CIAO3: variants seen among roughly 807,000 people sequenced by gnomAD.
CIAO3 encodes cytosolic iron-sulfur assembly component 3, also known as LET1 like/JFP15.
A neutral mutation model predicts 51.5 loss-of-function variants in CIAO3; 45 were observed. That is an observed-to-expected ratio of 0.87 (90% confidence interval 0.69 to 1.12). CIAO3 has a LOEUF of 1.12. Among genes scored for constraint, CIAO3 ranks in the 50% most tolerant of loss-of-function variants. The pLI is 0.00. For missense variants in CIAO3, 668 were observed against 632.5 expected (o/e 1.06, Z -0.60); for synonymous variants, 314 against 269.3 (o/e 1.17, Z -1.63).
intron 5 of CIAO3, 46 bp from the exon 6 acceptor site, chr16:734,393 C>T (rs1468658522): frequency 2.2e-6 from 3 of 1,381,186 alleles, no homozygotes; most frequent in African/African-American, 2.9e-5. Flanking sequence ...CGCACGGCGG[C>T]CCCCGCACCC....
At position 737,997 on chromosome 16, in the gene CIAO3, G is replaced by A. The variant is rs1334151571; in HGVS notation, c.163-668C>T. 2 of 1,151,872 alleles carry A rather than the reference G, an allele frequency of 1.7e-6. No homozygotes were observed. Among genetic ancestry groups the A allele is most frequent in the African/African-American group, 1.6e-5 (1 of 61,490 alleles). The allele number at this position is 1,151,872 out of a possible 1,614,324, so 71.4% of individuals were successfully genotyped here. A position where few individuals can be genotyped will look rare whatever the true frequency, so the allele number is the denominator to read the frequency against. ...GCAGTGGCCCGGAATACAGCCAGAG[G>A]AGTAAGGCGACTGGGTGGGAACTGT... On this transcript the variant is annotated intron_variant, in intron 2 of 10. Transcript: ENST00000251588. The surrounding 1 kb of genome is among the most constrained non-coding windows in gnomAD (Gnocchi z 5.3).
chr16:736,516 G>C, intron 3 of CIAO3, 118 bp from the exon 4 acceptor site: 1 of 1,195,306 alleles, frequency 8.4e-7, no homozygotes, highest in Non-Finnish European at 1.1e-6. Flanking sequence ...TCCATCAAGA[G>C]TCTTTTTTTT....
chr16:731,720 G>T lies in CIAO3; in HGVS notation c.897-18C>A. 6.5e-7 allele frequency: 1 copy of T among 1,538,706 alleles called. No homozygotes were observed. Among genetic ancestry groups the T allele is most frequent in the Non-Finnish European group, 8.7e-7 (1 of 1,144,834 alleles). On this transcript the variant is annotated intron_variant, in intron 8 of 10. Coordinates refer to ENST00000251588, the MANE Select transcript of CIAO3 (RefSeq NM_022493.3). ...CGCTGCACCTGGCAAGGAGGGAGGG[G>T]CCTCAGCACAGCTGGGGCTGCTGCC...
At chr16:731,414 G>A (rs1199310251) in intron 9 of CIAO3, 151 bp downstream of exon 9, 4 of 1,125,496 alleles carry the variant, frequency 3.6e-6, no homozygotes, top group South Asian at 3.9e-5. Context: ...CGCCAGGAGG[G>A]CCCTGCCTGG....
chr16:736,256 C>G lies in CIAO3; in HGVS notation c.439+10G>C. The G allele has an allele frequency of 6.2e-7, 1 of 1,612,386 alleles. No individual in the cohort carries two copies. Among genetic ancestry groups the G allele is most frequent in the Non-Finnish European group, 8.5e-7 (1 of 1,179,634 alleles). ...TGGAGCGGCAGTGTTACCCCAGGTT[C>G]AAAGCCTACCTATTTTTTTAAAGAA... On this transcript the variant is annotated intron_variant, in intron 4 of 10. Coordinates refer to ENST00000251588, the MANE Select transcript of CIAO3 (RefSeq NM_022493.3).
Position 733,404 on chromosome 16 carries a change from G to A in CIAO3, c.717C>T (p.Tyr239=), listed in dbSNP as rs2041305529. ...QQQHLTPDKI[Y]HVTVMPCYDK... is the part of the protein sequence containing the mutation. Reference sequence around the variant, plus strand: ...CATAGCAGGGCATCACTGTGACGTGGTAGATCTTGTCAGGGGTCAAGTGCT... The same window carrying A: ...CATAGCAGGGCATCACTGTGACGTGATAGATCTTGTCAGGGGTCAAGTGCT... Residue 239 remains tyrosine, a synonymous_variant, in exon 7 of 11, where the codon TAC becomes TAT. Coordinates refer to ENST00000251588, the MANE Select transcript of CIAO3 (RefSeq NM_022493.3). The A allele has an allele frequency of 6.2e-7, 1 of 1,613,788 alleles. No homozygotes were observed.
chr16:733,519 G>T, intron 6 of CIAO3, 92 bp from the exon 7 acceptor site: 1 of 1,565,256 alleles, frequency 6.4e-7, no homozygotes, highest in South Asian at 1.2e-5. Context: ...AGCCAGGCCG[G>T]ACCCCGAGGG....
Position 735,170 on chromosome 16 carries a change from G to A in CIAO3, c.440-299C>T, listed in dbSNP as rs116591405. 1.8e-3 allele frequency: 669 copies of A among 366,810 alleles called. 3 individuals carry two copies. The highest frequency in any genetic ancestry group is 0.012 in the African/African-American group (587 of 48,806). The allele number at this position is 366,810 out of a possible 1,614,324, so 22.7% of individuals were successfully genotyped here. A position where few individuals can be genotyped will look rare whatever the true frequency, so the allele number is the denominator to read the frequency against. ...TCCTCCACCCTCCCAGCTCTTCAGCGTGGCTGGTCCAGGGAATTGCCACGT... is the reference window on the plus strand; with the variant it reads ...TCCTCCACCCTCCCAGCTCTTCAGCATGGCTGGTCCAGGGAATTGCCACGT... On this transcript the variant is annotated intron_variant, in intron 4 of 10. Transcript: ENST00000251588.
At position 732,384 on chromosome 16, in the gene CIAO3, G is replaced by T. The variant is rs755924937; in HGVS notation, c.824-11C>A. On this transcript the variant is annotated splice_polypyrimidine_tract_variant and intron_variant, in intron 7 of 10. Transcript: ENST00000251588. ...ACCTGAAAACTTCTCCTGCAAAGAA[G>T]CCACAGCGCAGACACTCTTTAGCGG... 6.2e-7 allele frequency: 1 copy of T among 1,612,670 alleles called. No individual in the cohort carries two copies. The highest frequency in any genetic ancestry group is 8.5e-7 in the Non-Finnish European group (1 of 1,179,786).
chr16:735,082 C>T (rs554460557), intron 4 of CIAO3: 180 of 585,946 alleles, frequency 3.1e-4, no homozygotes, highest in African/African-American at 2.7e-3. Context: ...CACGTTGCCT[C>T]GGCATCCCCT....
chr16:738,108 C>G (rs1182150233), intron 2 of CIAO3: 1 of 1,024,490 alleles, frequency 9.8e-7, no homozygotes, highest in East Asian at 1.0e-4. Context: ...GGTTCTGCCC[C>G]AAGGCACAAA....
chr16:740,979 A>G lies in CIAO3; in HGVS notation c.7T>C (p.Ser3Pro). Residue 3 changes from serine to proline, a missense_variant, in exon 1 of 11, where the codon TCG becomes CCG. By Grantham distance (74) the Ser-to-Pro change is moderately conservative. Coordinates refer to ENST00000251588, the MANE Select transcript of CIAO3 (RefSeq NM_022493.3). Reference protein sequence around the residue: MASPFSGALQLTD... With the variant: MAPPFSGALQLTD... ...AGCTGCAGCGCCCCGCTGAAGGGCG[A>G]CGCCATGACGGCCGCACTGCCGCCG... is the stretch of plus-strand genomic sequence containing the variant. The G allele has an allele frequency of 1.3e-6, 2 of 1,508,954 alleles. No individual in the cohort carries two copies. Among genetic ancestry groups the G allele is most frequent in the Non-Finnish European group, 1.8e-6 (2 of 1,131,864 alleles). The allele number at this position is 1,508,954 out of a possible 1,614,324, so 93.5% of individuals were successfully genotyped here.
Position 730,516 on chromosome 16 carries a change from G to A in CIAO3, c.1332C>T (p.His444=). The A allele has an allele frequency of 1.2e-6, 2 of 1,610,618 alleles. No homozygotes were observed. Among genetic ancestry groups the A allele is most frequent in the Non-Finnish European group, 1.7e-6 (2 of 1,179,994 alleles). The stretch of plus-strand genomic sequence containing the variant: ...ACTCCGAGTCCGTGCCCTGCAGCCA[G>A]TGTGTGTACAGCTCCTGAACCCCAG... The part of the protein sequence containing the change: ...DAPGVQELYT[H]WLQGTDSECA... The change falls in exon 11 of 11, where the codon CAC becomes CAT. Residue 444 remains histidine (H), a synonymous_variant. Transcript: ENST00000251588.
chr16:736,467 A>T, intron 3 of CIAO3, 69 bp from the exon 4 acceptor site: 1 of 1,593,680 alleles, frequency 6.3e-7, no homozygotes, highest in South Asian at 1.1e-5. Context: ...CCAGAGCCGC[A>T]CGGTGAGATG....
At chr16:740,225 A>C (rs2041377854) in intron 1 of CIAO3, 1 of 655,168 alleles carries the variant, frequency 1.5e-6, no homozygotes, top group African/African-American at 1.9e-5. Context: ...AAGCGCTCCC[A>C]GCAGCCCGCC....
intron 2 of CIAO3, chr16:738,274 T>C (rs1018797152): frequency 1.0e-6 from 1 of 987,308 alleles, no homozygotes; most frequent in Non-Finnish European, 1.2e-6. Flanking sequence ...AAATCGTCTC[T>C]TGGTGCAGTG....
rs781306148 is a variant in CIAO3, at chr16:731,006, G to A, written c.1035-6C>T. 30 of 1,612,370 alleles carry A rather than the reference G, an allele frequency of 1.9e-5. No homozygotes were observed. The Admixed American group carries it at 2.3e-4, about 13-fold the overall frequency. ...CCTCCTGGAAGTCTTTGTTCCTGGG[G>A]GGCACAGGCGGGGTTTGTCTACATG... is the stretch of plus-strand genomic sequence containing the variant. On this transcript the variant is annotated splice_region_variant and splice_polypyrimidine_tract_variant and intron_variant, in intron 9 of 10. Transcript: ENST00000251588.
At chr16:739,380 G>A in intron 2 of CIAO3, 3 of 533,898 alleles carry the variant, frequency 5.6e-6, no homozygotes, top group Non-Finnish European at 1.0e-5. Flanking sequence ...GGGGGAACAG[G>A]CAGACGCAGA....
At chr16:734,129 C>T in intron 6 of CIAO3, 100 bp downstream of exon 6, 1 of 1,055,036 alleles carries the variant, frequency 9.5e-7, no homozygotes, top group Non-Finnish European at 1.5e-6. Flanking sequence ...CCGCACAGCA[C>T]AGCGAGGACT....
Sources: allele counts gnomAD v4.1 joint callset, GRCh38; gene constraint gnomAD v4.1.1; non-coding constraint Gnocchi (gnomAD v3.1); transcripts MANE v1.5; gene names NCBI Gene and HGNC (gene_info 2026-07-23, HGNC 2026-07-21).